EYS: variants seen among roughly 807,000 people sequenced by gnomAD.
EYS encodes the protein protein eyes shut homolog.
Under a neutral mutation model 282.1 loss-of-function variants are expected in EYS, and 250 were observed. The observed-to-expected ratio is 0.89, with a 90% confidence interval of 0.80 to 0.98. The LOEUF (loss-of-function observed/expected upper bound fraction) is 0.98, where lower values mean the gene tolerates loss of function less well. Ranked by LOEUF, EYS falls within the 50% of genes least tolerant of loss-of-function variation. The pLI, the probability that EYS is intolerant of heterozygous loss-of-function variation, is 0.00. For missense variants in EYS, 4,016 were observed against 3,709.0 expected (o/e 1.08, Z -2.15); for synonymous variants, 1,355 against 1,282.9 (o/e 1.06, Z -1.20).
intron 2 of EYS, among the ~76,000 whole-genome samples, chr6:65,588,354 C>A (rs1765124675): frequency 6.6e-6 from 1 of 151,960 alleles, no homozygotes; most frequent in African/African-American, 2.4e-5. Flanking sequence ...AAAGAGATGT[C>A]ACTTTATCCT....
At chr6:64,883,080 A>C (rs9453096) in intron 19 of EYS, among the ~76,000 whole-genome samples, 83,608 of 150,948 alleles carry the variant, frequency 0.55, 23,918 homozygotes, top group Non-Finnish European at 0.62. Context: ...ATATCTTTAC[A>C]ATAACCAAAA....
At chr6:65,591,604 T>C (rs1034091193) in intron 2 of EYS, among the ~76,000 whole-genome samples, 1 of 151,958 alleles carries the variant, frequency 6.6e-6, no homozygotes, top group South Asian at 2.1e-4. Flanking sequence ...AATGCAAAAA[T>C]TTCTTCTGAA....
intron 26 of EYS, among the ~76,000 whole-genome samples, chr6:64,445,844 A>G (rs769069482): frequency 1.3e-4 from 20 of 152,168 alleles, no homozygotes; most frequent in Admixed American, 2.0e-4. Context: ...TCTGTTGGAG[A>G]TGAGGACGGG....
At chr6:64,010,402 G>T (rs536148115) in intron 33 of EYS, among the ~76,000 whole-genome samples, 25 of 150,392 alleles carry the variant, frequency 1.7e-4, no homozygotes, top group African/African-American at 4.4e-4. Context: ...TTGGGGGGGG[G>T]GGTGGTGGTG....
At chr6:63,830,703 G>A (rs1334407416) in intron 36 of EYS, among the ~76,000 whole-genome samples, 2 of 152,094 alleles carry the variant, frequency 1.3e-5, no homozygotes, top group African/African-American at 2.4e-5. Context: ...TCAAATTCAG[G>A]AAATACAGAG....
chr6:64,718,156 A>G (rs775044006), intron 22 of EYS, among the ~76,000 whole-genome samples: 11 of 152,206 alleles, frequency 7.2e-5, no homozygotes, highest in Non-Finnish European at 1.5e-4. Flanking sequence ...TTACTTATGC[A>G]TGAATTCATC....
rs1467564070 is a variant in EYS at position 64,391,681 on chromosome 6, GT to G, written c.5928-2842del. On this transcript the variant is annotated intron_variant, in intron 28 of 42. Coordinates refer to ENST00000503581, the MANE Select transcript of EYS (RefSeq NM_001142800.2). ...AGCCGCTGCAAAATCATGCCAAAAT[GT>G]AAAGACCATCAAGACTAGGAAGAAA... Among the ~76,000 whole-genome samples, 3 of 152,216 alleles carry G rather than the reference GT, an allele frequency of 2.0e-5. No homozygotes were observed. In the East Asian group the frequency reaches 5.8e-4, roughly 29 times the overall value.
At chr6:65,515,312 G>A (rs1449758588) in intron 2 of EYS, among the ~76,000 whole-genome samples, 1 of 151,994 alleles carries the variant, frequency 6.6e-6, no homozygotes, top group African/African-American at 2.4e-5. Flanking sequence ...AGAGGATGTG[G>A]AGAAATAGGA....
intron 5 of EYS, among the ~76,000 whole-genome samples, chr6:65,433,640 A>C (rs542714108): frequency 6.6e-6 from 1 of 152,346 alleles, no homozygotes; most frequent in East Asian, 1.9e-4. Context: ...GGACAGATTT[A>C]GTACGTTATT....
intron 15 of EYS, among the ~76,000 whole-genome samples, chr6:64,913,133 G>C (rs1447614507): frequency 1.3e-5 from 2 of 152,028 alleles, no homozygotes; most frequent in Non-Finnish European, 2.9e-5. Context: ...AGCGTCCTTA[G>C]CAATATGTGA....
intron 22 of EYS, among the ~76,000 whole-genome samples, chr6:64,778,076 C>T (rs1010471122): frequency 6.6e-6 from 1 of 152,006 alleles, no homozygotes; most frequent in African/African-American, 2.4e-5. Context: ...TGATGAATAA[C>T]CCAAGGTTTC....
At chr6:64,301,070 T>C (rs1332685669) in intron 30 of EYS, among the ~76,000 whole-genome samples, 1 of 152,228 alleles carries the variant, frequency 6.6e-6, no homozygotes, top group Non-Finnish European at 1.5e-5. Context: ...AATACACAGT[T>C]AAGAGATTTA....
chr6:63,859,005 G>A lies in EYS; in HGVS notation c.7228+5181C>T, dbSNP rs561674627. 6.1e-5 allele frequency among the ~76,000 whole-genome samples: 9 copies of A among 146,768 alleles called. No individual in the cohort carries two copies. The East Asian group carries it at 1.0e-3, about 17-fold the overall frequency. On this transcript the variant is annotated intron_variant, in intron 36 of 42. Transcript: ENST00000503581. ...ATACCTTGGCTTGTCTTTAATCACT[G>A]CAGAGTGTCACCATCTTAGAAAAAT...
chr6:64,273,738 T>C, intron 30 of EYS, among the ~76,000 whole-genome samples: 1 of 152,190 alleles, frequency 6.6e-6, no homozygotes, highest in African/African-American at 2.4e-5. Context: ...GTCATGGTTA[T>C]TTGCAGCTTG....
chr6:65,621,125 G>A (rs777538749), intron 2 of EYS, among the ~76,000 whole-genome samples: 59 of 152,168 alleles, frequency 3.9e-4, no homozygotes, highest in Admixed American at 9.2e-4. Flanking sequence ...TTTCTGTCTC[G>A]TTGATCTGTC....
At chr6:64,722,097 A>C (rs1402245922) in intron 22 of EYS, among the ~76,000 whole-genome samples, 1 of 152,182 alleles carries the variant, frequency 6.6e-6, no homozygotes, top group Admixed American at 6.5e-5. Flanking sequence ...GAAGTAGCTC[A>C]AAAGTTGAAG....
At position 64,836,518 on chromosome 6, in the gene EYS, G is replaced by A. The variant is rs1211859285; in HGVS notation, c.2993-13696C>T. 2.0e-5 allele frequency among the ~76,000 whole-genome samples: 3 copies of A among 151,442 alleles called. No individual in the cohort carries two copies. The East Asian group carries it at 5.8e-4, about 29-fold the overall frequency. On this transcript the variant is annotated intron_variant, in intron 19 of 42. Transcript: ENST00000503581. ...TAGGCAAAATTTTCATGTCAAATGAGTATTTTAGCTCACTACTGTTTACCT... is the reference window on the plus strand; with the variant it reads ...TAGGCAAAATTTTCATGTCAAATGAATATTTTAGCTCACTACTGTTTACCT...
intron 2 of EYS, among the ~76,000 whole-genome samples, chr6:65,620,503 G>C (rs1046867527): frequency 3.3e-5 from 5 of 151,436 alleles, no homozygotes; most frequent in African/African-American, 7.3e-5. Flanking sequence ...CAAAAAACCA[G>C]CTCCTGGATT....
chr6:64,275,683 G>A (rs545126748), intron 30 of EYS, among the ~76,000 whole-genome samples: 5 of 151,584 alleles, frequency 3.3e-5, no homozygotes, highest in South Asian at 2.1e-4. Context: ...CTGGCCAGGC[G>A]CGGTGGCTCA....
Sources: gnomAD v4.1 joint callset for allele counts (sites outside exome capture counted in the v4.1 genomes callset) on GRCh38, gnomAD v4.1.1 for gene constraint, MANE v1.5 for transcripts, NCBI Gene and HGNC (gene_info 2026-07-23, HGNC 2026-07-21) for gene names.